Variants in PKNOX2 observed in about 807,000 individuals in gnomAD.
PKNOX2 encodes the protein homeobox protein PKNOX2.
Under a neutral mutation model 53.1 loss-of-function variants are expected in PKNOX2, and 14 were observed. The observed-to-expected ratio is 0.26, with a 90% CI of 0.17 to 0.41. The LOEUF (loss-of-function observed/expected upper bound fraction) is 0.41, where lower values mean the gene tolerates loss of function less well. PKNOX2 is among the 10% of genes least tolerant of loss of function. PKNOX2 has a pLI of 1.00. For missense variants in PKNOX2, 496 were observed against 602.8 expected, an observed-to-expected ratio of 0.82 and a Z score of 1.85; for synonymous variants, 257 against 242.8, an observed-to-expected ratio of 1.06 and a Z score of -0.54.
At chr11:125,294,839 C>G (rs1251256650) in intron 2 of PKNOX2, among the ~76,000 whole-genome samples, 2 of 152,216 alleles carry the variant, frequency 1.3e-5, no homozygotes, top group African/African-American at 2.4e-5. Context: ...CCAACAATTG[C>G]TAGATCCCTT....
At position 125,165,815 on chromosome 11, in the gene PKNOX2, T is replaced by A. The variant is rs1954826174; in HGVS notation, c.-201+1039T>A. Among the ~76,000 whole-genome samples the A allele has an allele frequency of 6.6e-6, 1 of 152,114 alleles. No homozygotes were observed. The highest frequency in any genetic ancestry group is 6.5e-5 in the Admixed American group (1 of 15,280). On this transcript the variant is annotated intron_variant, in intron 1 of 12. Transcript: ENST00000298282. This position sits in a 1 kb window ranked among gnomAD's most constrained non-coding sequence, Gnocchi z 4.5. ...TCGTAAAAGAGGGAACTGAAAGCGA[T>A]CGAGAGCGGAGAGCTGAGGGGGATG...
intron 1 of PKNOX2, among the ~76,000 whole-genome samples, chr11:125,202,266 A>T (rs1020288238): frequency 2.6e-5 from 4 of 152,188 alleles, no homozygotes; most frequent in Non-Finnish European, 4.4e-5. Flanking sequence ...GCCAGGCTGC[A>T]GCTGGGACCC....
intron 4 of PKNOX2, among the ~76,000 whole-genome samples, chr11:125,362,829 G>A (rs1591542808): frequency 6.6e-6 from 1 of 152,218 alleles, no homozygotes; most frequent in East Asian, 1.9e-4. Context: ...ACACCAGGGA[G>A]CATCTCCTAC....
intron 11 of PKNOX2, 57 bp downstream of exon 11, chr11:125,429,145 G>A: frequency 6.7e-7 from 1 of 1,491,470 alleles, no homozygotes. Context: ...CTTCTGGGCA[G>A]GGGAATGCGT....
intron 2 of PKNOX2, among the ~76,000 whole-genome samples, chr11:125,271,495 A>G (rs1449790336): frequency 6.6e-6 from 1 of 152,166 alleles, no homozygotes; most frequent in Non-Finnish European, 1.5e-5. Flanking sequence ...CAGAGTGCAT[A>G]TTTGGGTCAG....
chr11:125,293,066 C>G (rs557454123), intron 2 of PKNOX2, among the ~76,000 whole-genome samples: 1 of 152,226 alleles, frequency 6.6e-6, no homozygotes, highest in East Asian at 1.9e-4. Flanking sequence ...ATGTCAAAAC[C>G]ACACATGCTT....
intron 7 of PKNOX2, among the ~76,000 whole-genome samples, chr11:125,399,056 G>GGACA (rs1954582350): frequency 6.6e-6 from 1 of 152,206 alleles, no homozygotes; most frequent in Non-Finnish European, 1.5e-5. Flanking sequence ...TCAGGGGAGG[G>GGACA]GACAGGCTGA....
intron 1 of PKNOX2, among the ~76,000 whole-genome samples, chr11:125,195,465 C>A (rs1026512056): frequency 6.6e-6 from 1 of 151,900 alleles, no homozygotes; most frequent in Non-Finnish European, 1.5e-5. Flanking sequence ...TTTCAGCAGT[C>A]GGCAGTGAGT....
chr11:125,239,160 C>A (rs1942965555), intron 2 of PKNOX2, among the ~76,000 whole-genome samples: 2 of 152,154 alleles, frequency 1.3e-5, no homozygotes, highest in East Asian at 3.9e-4. Context: ...AAGAATCTTG[C>A]CTTTAACTGT....
intron 10 of PKNOX2, among the ~76,000 whole-genome samples, chr11:125,425,967 G>A (rs574941707): frequency 6.6e-6 from 1 of 152,280 alleles, no homozygotes; most frequent in East Asian, 1.9e-4. Flanking sequence ...CGGTGGTTAG[G>A]GGCTTTCTAT....
chr11:125,239,527 A>G (rs1188880357), intron 2 of PKNOX2: 1 of 152,222 alleles, frequency 6.6e-6, no homozygotes, highest in African/African-American at 2.4e-5. Flanking sequence ...AAAAGGGTGG[A>G]TGTTTTACCC....
chr11:125,378,571 T>G (rs939553011), intron 5 of PKNOX2, among the ~76,000 whole-genome samples: 2 of 151,830 alleles, frequency 1.3e-5, no homozygotes, highest in Non-Finnish European at 2.9e-5. Context: ...GTAAGGAAGG[T>G]GCGGAAGGAG....
intron 2 of PKNOX2, among the ~76,000 whole-genome samples, chr11:125,279,813 C>T (rs1946427205): frequency 6.6e-6 from 1 of 152,206 alleles, no homozygotes; most frequent in Non-Finnish European, 1.5e-5. Context: ...GTGTTAAATA[C>T]AGCATCAAAT....
chr11:125,410,798 G>A lies in PKNOX2; in HGVS notation c.738G>A (p.Pro246=), dbSNP rs370466867. 20 of 1,613,854 alleles carry A rather than the reference G, an allele frequency of 1.2e-5. No homozygotes were observed. The African/African-American group carries it at 1.3e-4, about 11-fold the overall frequency. The change falls in exon 9 of 13, where the codon CCG becomes CCA. Residue 246 remains proline (P), a synonymous_variant. Coordinates refer to ENST00000298282, the MANE Select transcript of PKNOX2 (RefSeq NM_001382323.2). The part of the protein sequence containing the change: ...QVVSGGALYQ[P]VTMVTSQGQV... ...CCTCAGGTGGAGCCTTATACCAACCGGTTACCATGGTAACCTCCCAGGGTC... is the reference window on the plus strand; with the variant it reads ...CCTCAGGTGGAGCCTTATACCAACCAGTTACCATGGTAACCTCCCAGGGTC...
chr11:125,189,387 G>A (rs569938541), intron 1 of PKNOX2, among the ~76,000 whole-genome samples: 3 of 126,998 alleles, frequency 2.4e-5, no homozygotes, highest in African/African-American at 5.7e-5. Context: ...ATATATGTGT[G>A]TATATATATA....
intron 6 of PKNOX2, 96 bp from the exon 7 acceptor site, chr11:125,397,778 G>A (rs531800365): frequency 7.1e-6 from 9 of 1,262,978 alleles, no homozygotes; most frequent in Admixed American, 2.2e-5. Flanking sequence ...GGCAGGGGGT[G>A]GGCTCCCCTC....
chr11:125,220,727 A>C (rs1263375180), intron 1 of PKNOX2, among the ~76,000 whole-genome samples: 5 of 152,168 alleles, frequency 3.3e-5, no homozygotes, highest in African/African-American at 1.2e-4. Flanking sequence ...CATACACCAA[A>C]GCAGTATTTC....
chr11:125,272,668 A>G (rs1945880669), intron 2 of PKNOX2, among the ~76,000 whole-genome samples: 1 of 152,116 alleles, frequency 6.6e-6, no homozygotes, highest in Admixed American at 6.5e-5. Context: ...TCGCGTAAAG[A>G]GGGCACAGGG....
intron 2 of PKNOX2, among the ~76,000 whole-genome samples, chr11:125,304,358 G>A (rs1591520223): frequency 6.6e-6 from 1 of 152,390 alleles, no homozygotes; most frequent in East Asian, 1.9e-4. Context: ...TCCAGCTGGA[G>A]CTGTTCATTC....
Sources: gnomAD v4.1 joint callset for allele counts (sites outside exome capture counted in the v4.1 genomes callset) on GRCh38, gnomAD v4.1.1 for gene constraint, Gnocchi (gnomAD v3.1) non-coding constraint, MANE v1.5 for transcripts, NCBI Gene and HGNC (gene_info 2026-07-23, HGNC 2026-07-21) for gene names.